CNTNAP2: variants seen among roughly 807,000 people sequenced by gnomAD.
CNTNAP2 encodes the protein contactin-associated protein-like 2.
A neutral mutation model predicts 155.2 loss-of-function variants in CNTNAP2; 98 were observed. That is an observed-to-expected ratio of 0.63 (90% CI 0.54 to 0.75). CNTNAP2 has a LOEUF of 0.75. Ranked by LOEUF, CNTNAP2 falls within the 30% of genes least tolerant of loss-of-function variation. The pLI is 0.00. For missense variants in CNTNAP2, 1,727 were observed against 1,688.1 expected, an observed-to-expected ratio of 1.02 and a Z score of -0.40; for synonymous variants, 651 against 631.2, an observed-to-expected ratio of 1.03 and a Z score of -0.47.
intron 1 of CNTNAP2, among the ~76,000 whole-genome samples, chr7:146,473,375 G>A (rs962724820): frequency 2.0e-5 from 3 of 152,008 alleles, no homozygotes; most frequent in African/African-American, 4.8e-5. Context: ...TGCTTTTCTG[G>A]CTTTTTTCTT....
intron 21 of CNTNAP2, among the ~76,000 whole-genome samples, chr7:148,365,140 G>C (rs377325271): frequency 6.6e-6 from 1 of 152,148 alleles, no homozygotes; most frequent in African/African-American, 2.4e-5. Context: ...GAGCTCAAAT[G>C]TAATCTCCTC....
chr7:147,308,688 T>C (rs903273212), intron 9 of CNTNAP2, among the ~76,000 whole-genome samples: 1 of 152,208 alleles, frequency 6.6e-6, no homozygotes, highest in Non-Finnish European at 1.5e-5. Context: ...AACTAAGGAA[T>C]TTGTTCTGTA....
At chr7:146,541,940 G>A (rs1349580070) in intron 1 of CNTNAP2, among the ~76,000 whole-genome samples, 2 of 151,850 alleles carry the variant, frequency 1.3e-5, no homozygotes, top group South Asian at 2.1e-4. Flanking sequence ...AAAACTAACC[G>A]TGGGATTGAT....
intron 13 of CNTNAP2, among the ~76,000 whole-genome samples, chr7:147,676,705 A>T (rs1371167346): frequency 6.6e-6 from 1 of 151,802 alleles, no homozygotes; most frequent in Admixed American, 6.6e-5. Context: ...TCTATTCTCT[A>T]CTTATATGAG....
intron 1 of CNTNAP2, among the ~76,000 whole-genome samples, chr7:146,767,650 A>G (rs1263709425): frequency 6.6e-6 from 1 of 152,198 alleles, no homozygotes; most frequent in Non-Finnish European, 1.5e-5. Context: ...AAAATATGGT[A>G]TAAGTGAAGA....
chr7:146,266,548 T>A (rs1019214787), intron 1 of CNTNAP2, among the ~76,000 whole-genome samples: 1 of 152,170 alleles, frequency 6.6e-6, no homozygotes, highest in Non-Finnish European at 1.5e-5. Flanking sequence ...GTTCTCTATC[T>A]CACCAAAAAT....
chr7:147,953,392 T>A (rs73743668), intron 14 of CNTNAP2, among the ~76,000 whole-genome samples: 2,969 of 152,190 alleles, frequency 0.02, 109 homozygotes, highest in African/African-American at 0.068. Flanking sequence ...CCACAGATGC[T>A]CTTCTTTCCT....
At chr7:146,769,406 C>T (rs961667220) in intron 1 of CNTNAP2, among the ~76,000 whole-genome samples, 2 of 152,066 alleles carry the variant, frequency 1.3e-5, no homozygotes, top group African/African-American at 4.8e-5. Context: ...AAAAAGCAGA[C>T]TTTTTAGAAT....
At chr7:147,799,132 T>A (rs1797949518) in intron 13 of CNTNAP2, among the ~76,000 whole-genome samples, 2 of 152,166 alleles carry the variant, frequency 1.3e-5, no homozygotes, top group Non-Finnish European at 2.9e-5. Context: ...TCTGCCCTTA[T>A]CTCAGCAGTT....
chr7:146,720,928 A>C (rs912898337), intron 1 of CNTNAP2, among the ~76,000 whole-genome samples: 1 of 140,952 alleles, frequency 7.1e-6, no homozygotes, highest in Non-Finnish European at 1.5e-5. Flanking sequence ...TATATATTCT[A>C]TATATATACT....
intron 1 of CNTNAP2, among the ~76,000 whole-genome samples, chr7:146,352,750 G>GTCTTTTTTTTTTTTTTTTTTT (rs1794934362): frequency 1.6e-5 from 1 of 64,338 alleles, no homozygotes; most frequent in Non-Finnish European, 2.9e-5. Flanking sequence ...GCATAATTCT[G>GTCTTTTTTTTTTTTTTTTTTT]TTTTTTTTTT....
At chr7:146,973,047 A>G (rs962128444) in intron 3 of CNTNAP2, among the ~76,000 whole-genome samples, 4 of 152,054 alleles carry the variant, frequency 2.6e-5, no homozygotes, top group Admixed American at 1.3e-4. Flanking sequence ...TCTCTTTTTT[A>G]AAGGAAGTTT....
intron 1 of CNTNAP2, among the ~76,000 whole-genome samples, chr7:146,319,230 T>C (rs2129092098): frequency 6.6e-6 from 1 of 152,294 alleles, no homozygotes; most frequent in South Asian, 2.1e-4. Flanking sequence ...AATTTTTCCT[T>C]CTCAGCATGC....
intron 15 of CNTNAP2, among the ~76,000 whole-genome samples, chr7:148,024,157 TAAAAAAAAA>T (rs34591496): frequency 1.9e-5 from 2 of 107,632 alleles, no homozygotes; most frequent in African/African-American, 7.2e-5. Flanking sequence ...CTTTAAAGTG[TAAAAAAAAA>T]AAAAAAAAAA....
chr7:147,509,102 A>G (rs1798968842), intron 11 of CNTNAP2, among the ~76,000 whole-genome samples: 1 of 152,164 alleles, frequency 6.6e-6, no homozygotes, highest in African/African-American at 2.4e-5. Flanking sequence ...TGCTTTGTAC[A>G]CGTCTTTGTA....
At chr7:147,793,106 G>T (rs1797845102) in intron 13 of CNTNAP2, among the ~76,000 whole-genome samples, 1 of 151,778 alleles carries the variant, frequency 6.6e-6, no homozygotes, top group African/African-American at 2.4e-5. Context: ...TCAGGTATAT[G>T]GTTTTCAAAA....
intron 9 of CNTNAP2, among the ~76,000 whole-genome samples, chr7:147,305,550 T>C (rs572559927): frequency 7.9e-5 from 12 of 152,346 alleles, no homozygotes; most frequent in African/African-American, 2.6e-4. Context: ...CTTGCTTTTG[T>C]ACCAACAGGA....
rs181573494 is a variant in CNTNAP2, at chr7:147,801,412, G to T, written c.2099-102153G>T. ...GTCATAGGACAATAGTGGAGGGAAG[G>T]TCGGCAGATAAACAAGTGAACAAAG... On this transcript the variant is annotated intron_variant, in intron 13 of 23. Transcript: ENST00000361727. Among the ~76,000 whole-genome samples the T allele has an allele frequency of 3.3e-5, 5 of 151,238 alleles. No individual in the cohort carries two copies. In the East Asian group the frequency reaches 7.8e-4, roughly 24 times the overall value.
rs192215316 is a variant in CNTNAP2, at chr7:146,938,581, A to G, written c.402+98677A>G. Among the ~76,000 whole-genome samples the G allele has an allele frequency of 7.1e-3, 1,085 of 151,996 alleles. 13 individuals carry two copies. The highest frequency in any genetic ancestry group is 0.016 in the South Asian group (77 of 4,826). On this transcript the variant is annotated intron_variant, in intron 3 of 23. Coordinates refer to ENST00000361727, the MANE Select transcript of CNTNAP2 (RefSeq NM_014141.6). ...TCCATGTTACAGTGAAACATTTCTC[A>G]TTAATGCTCCATCACTTATTAATTT... is the stretch of plus-strand genomic sequence containing the variant.
Sources: gnomAD v4.1 joint callset for allele counts (sites outside exome capture counted in the v4.1 genomes callset) on GRCh38, gnomAD v4.1.1 for gene constraint, MANE v1.5 for transcripts, NCBI Gene and HGNC (gene_info 2026-07-23, HGNC 2026-07-21) for gene names.